FSTL5: variants seen among roughly 807,000 people sequenced by gnomAD.
The protein encoded by FSTL5 is follistatin like 5, also known as follistatin-related protein 5.
Under a neutral mutation model 89.1 loss-of-function variants are expected in FSTL5, and 62 were observed. That is an observed-to-expected ratio of 0.70 (90% CI 0.57 to 0.86). The LOEUF (loss-of-function observed/expected upper bound fraction) is 0.86. FSTL5 is among the 40% of genes least tolerant of loss of function. The pLI is 0.00. For synonymous variants in FSTL5, 383 were observed against 346.2 expected, an observed-to-expected ratio of 1.11 and a Z score of -1.18; for missense variants, 1,057 against 1,001.6, an observed-to-expected ratio of 1.06 and a Z score of -0.75.
At chr4:162,150,000 T>A (rs1332288472) in intron 1 of FSTL5, among the ~76,000 whole-genome samples, 1 of 152,182 alleles carries the variant, frequency 6.6e-6, no homozygotes, top group Non-Finnish European at 1.5e-5. Context: ...AAGGAAATTT[T>A]TAATTTGTGG....
At chr4:161,425,274 A>AAT (rs1017964977) in intron 15 of FSTL5, among the ~76,000 whole-genome samples, 18 of 152,046 alleles carry the variant, frequency 1.2e-4, no homozygotes, top group African/African-American at 2.7e-4. Flanking sequence ...GCTAGGAAAG[A>AAT]ATATATATAT....
intron 4 of FSTL5, among the ~76,000 whole-genome samples, chr4:161,857,879 A>G (rs1319029893): frequency 6.6e-6 from 1 of 152,106 alleles, no homozygotes; most frequent in East Asian, 1.9e-4. Context: ...ATTTTGGTTA[A>G]CTACTAGTCA....
chr4:162,012,663 A>G (rs1488695425), intron 3 of FSTL5, among the ~76,000 whole-genome samples: 1 of 152,146 alleles, frequency 6.6e-6, no homozygotes, highest in Non-Finnish European at 1.5e-5. Context: ...AAATTCTCAT[A>G]AAGCTTTAAT....
At chr4:161,882,057 A>G (rs930448622) in intron 4 of FSTL5, among the ~76,000 whole-genome samples, 3 of 152,124 alleles carry the variant, frequency 2.0e-5, no homozygotes, top group African/African-American at 7.2e-5. Flanking sequence ...TTGATGAGGC[A>G]GTTTAAGACA....
intron 3 of FSTL5, among the ~76,000 whole-genome samples, chr4:162,005,941 A>G (rs914051134): frequency 5.3e-5 from 8 of 152,018 alleles, no homozygotes; most frequent in South Asian, 2.1e-4. Flanking sequence ...AAGTCCATCA[A>G]TTGTGCTGTT....
intron 4 of FSTL5, among the ~76,000 whole-genome samples, chr4:161,848,646 TA>T (rs1196887572): frequency 6.6e-6 from 1 of 152,142 alleles, no homozygotes; most frequent in Non-Finnish European, 1.5e-5. Context: ...AGAAAAGCCC[TA>T]GCTACACTTT....
chr4:162,061,200 G>T (rs957829205), intron 2 of FSTL5, among the ~76,000 whole-genome samples: 23 of 152,052 alleles, frequency 1.5e-4, no homozygotes, highest in African/African-American at 5.6e-4. Context: ...ATAGGAGATA[G>T]GTTGAGAGAC....
intron 4 of FSTL5, among the ~76,000 whole-genome samples, chr4:161,821,335 G>GTGTGAA (rs1730487308): frequency 1.3e-5 from 2 of 152,124 alleles, no homozygotes; most frequent in Non-Finnish European, 2.9e-5. Context: ...ACTGCACATG[G>GTGTGAA]CCAGAAACAG....
Position 162,128,931 on chromosome 4 carries a change from T to C in FSTL5, c.-16-17519A>G, listed in dbSNP as rs980043093. On this transcript the variant is annotated intron_variant, in intron 1 of 15. Coordinates refer to ENST00000306100, the MANE Select transcript of FSTL5 (RefSeq NM_020116.5). ...CTTACTGTTTGAGACTTTTTTTTTT[T>C]TTTTTTTGAGACAAAGTTTCACTGT... is the stretch of plus-strand genomic sequence containing the variant. 2.6e-5 allele frequency among the ~76,000 whole-genome samples: 4 copies of C among 151,906 alleles called. No homozygotes were observed. In the East Asian group the frequency reaches 7.7e-4, roughly 29 times the overall value.
chr4:161,833,532 C>G (rs1305442429), intron 4 of FSTL5, among the ~76,000 whole-genome samples: 1 of 139,350 alleles, frequency 7.2e-6, no homozygotes, highest in Non-Finnish European at 1.6e-5. Context: ...CTTTGTAGGT[C>G]ACTCAGGACT....
intron 1 of FSTL5, among the ~76,000 whole-genome samples, chr4:162,161,658 A>G (rs1239741431): frequency 6.6e-6 from 1 of 151,972 alleles, no homozygotes; most frequent in Non-Finnish European, 1.5e-5. Context: ...ATCTTGGAAA[A>G]CTTTGTGCAA....
intron 5 of FSTL5, among the ~76,000 whole-genome samples, chr4:161,767,914 T>A (rs1741073742): frequency 6.7e-6 from 1 of 149,930 alleles, no homozygotes; most frequent in Non-Finnish European, 1.5e-5. Flanking sequence ...CGAAAAAAAA[T>A]CTGTGTGTGT....
intron 1 of FSTL5, among the ~76,000 whole-genome samples, chr4:162,155,261 G>A (rs1306419275): frequency 2.6e-5 from 4 of 152,166 alleles, no homozygotes; most frequent in Non-Finnish European, 4.4e-5. Context: ...TTTAAAAGCC[G>A]GGTTAGAGGT....
intron 8 of FSTL5, among the ~76,000 whole-genome samples, chr4:161,578,917 T>G (rs1303960738): frequency 3.3e-5 from 5 of 152,116 alleles, no homozygotes; most frequent in African/African-American, 1.2e-4. Context: ...TAAAAATATC[T>G]TCATACAAAC....
At chr4:161,878,393 G>C (rs1388124708) in intron 4 of FSTL5, among the ~76,000 whole-genome samples, 1 of 152,004 alleles carries the variant, frequency 6.6e-6, no homozygotes, top group African/African-American at 2.4e-5. Flanking sequence ...TGCAAATATT[G>C]TTGGGAATTA....
At chr4:161,536,542 G>C (rs1483304897) in intron 10 of FSTL5, among the ~76,000 whole-genome samples, 1 of 152,126 alleles carries the variant, frequency 6.6e-6, no homozygotes, top group Non-Finnish European at 1.5e-5. Flanking sequence ...CTTTTCCGTA[G>C]TTGCTAATAT....
intron 3 of FSTL5, among the ~76,000 whole-genome samples, chr4:162,013,694 T>C (rs778575762): frequency 2.0e-5 from 3 of 152,164 alleles, no homozygotes; most frequent in Non-Finnish European, 4.4e-5. Context: ...GTAAGCAATA[T>C]TAGTAACCCA....
intron 15 of FSTL5, among the ~76,000 whole-genome samples, chr4:161,403,767 T>C (rs751918631): frequency 1.2e-4 from 18 of 152,312 alleles, no homozygotes; most frequent in Non-Finnish European, 2.1e-4. Context: ...CAGATTTCAC[T>C]AAATGACACC....
intron 6 of FSTL5, among the ~76,000 whole-genome samples, chr4:161,697,078 A>C (rs1340904130): frequency 1.3e-5 from 2 of 152,196 alleles, no homozygotes; most frequent in African/African-American, 4.8e-5. Flanking sequence ...AGAGCAAACA[A>C]ACAGCCCTGT....
Sources: allele counts gnomAD v4.1 joint callset (sites outside exome capture counted in the v4.1 genomes callset), GRCh38; gene constraint gnomAD v4.1.1; transcripts MANE v1.5; gene names NCBI Gene and HGNC (gene_info 2026-07-23, HGNC 2026-07-21).